The following IQANK1 variants were observed in gnomAD, a reference collection of about 807,000 sequenced individuals.
The protein encoded by IQANK1 is IQ motif and ankyrin repeat containing 1.
IQANK1 carries 30 observed loss-of-function variants against 22.6 expected under a neutral mutation model. The ratio of observed to expected loss-of-function variants is 1.33; its 90% CI spans 0.99 to 1.80. IQANK1 has a LOEUF of 1.80. Among genes scored for constraint, IQANK1 ranks in the 40% most tolerant of loss-of-function variants. IQANK1 has a pLI of 0.00. For missense variants in IQANK1, 275 were observed against 235.2 expected, an observed-to-expected ratio of 1.17 and a Z score of -1.11; for synonymous variants, 122 against 99.6, an observed-to-expected ratio of 1.23 and a Z score of -1.34.
rs1013287169 is a variant in IQANK1 at position 143,790,361 on chromosome 8, C to T, written c.1436C>T (p.Pro479Leu). 17 of 1,122,124 alleles carry T rather than the reference C, an allele frequency of 1.5e-5. No homozygotes were observed. Among genetic ancestry groups the T allele is most frequent in the African/African-American group, 9.7e-5 (6 of 61,856 alleles). The allele number at this position is 1,122,124 out of a possible 1,614,324, so 69.5% of individuals were successfully genotyped here. A position where few individuals can be genotyped will look rare whatever the true frequency, so the allele number is the denominator to read the frequency against. ...GCCTCATGGGGCAGGTATGGGAAGC[C>T]GCTGGTGTTCGACCTGCGAGAGGAA... ...ALLGALRYGK[P>L]LVFDLREEDL... Residue 479 changes from proline (P) to leucine (L), a missense_variant, in exon 14 of 14, where the codon CCG (proline) becomes CTG (leucine). Transcript: ENST00000527139.
intron 3 of IQANK1, among the ~76,000 whole-genome samples, chr8:143,761,194 C>T (rs534874276): frequency 6.6e-6 from 1 of 152,244 alleles, no homozygotes; most frequent in Non-Finnish European, 1.5e-5. Context: ...GAGCATCTCC[C>T]GCGGGCGCCC....
At chr8:143,736,844 TTA>T (rs1183038669) in intron 2 of IQANK1, among the ~76,000 whole-genome samples, 23 of 151,314 alleles carry the variant, frequency 1.5e-4, no homozygotes, top group Admixed American at 6.6e-5. Flanking sequence ...CAGCTCCCAT[TTA>T]TTCTCTATGC....
chr8:143,749,172 A>G (rs7464370), intron 3 of IQANK1, among the ~76,000 whole-genome samples: 73,276 of 121,966 alleles, frequency 0.6, 25,764 homozygotes, highest in Non-Finnish European at 0.77. Context: ...ATATCAATAT[A>G]TATAATATAT....
rs1819583583 is a variant in IQANK1, at chr8:143,771,964, AG to A, written c.471+1del. On this transcript the variant is annotated frameshift_variant and splice_region_variant, in exon 5 of 14. Coordinates refer to ENST00000527139, the MANE Select transcript of IQANK1 (RefSeq NM_001381874.1). LOFTEE classifies it high-confidence loss of function. The surrounding 1 kb of genome is among the most constrained non-coding windows in gnomAD (Gnocchi z 6.0). ...GGCGAGATCCGGGCGGTGCTGAAGG[AG>A]GTCAGCGGGGGCGGGAGGAGGACGA... ...DVGEIRAVLKEVEQLLTREGV... is the reference protein window; with the variant it reads ...DVGEIRAVLKXVEQLLTREGV... 1 of 85,236 alleles carries A rather than the reference AG, an allele frequency of 1.2e-5. No individual in the cohort carries two copies. The highest frequency in any genetic ancestry group is 4.9e-5 in the African/African-American group (1 of 20,528). The allele number at this position is 85,236 out of a possible 1,614,324, so 5.3% of individuals were successfully genotyped here. A position where few individuals can be genotyped will look rare whatever the true frequency, so the allele number is the denominator to read the frequency against.
chr8:143,761,655 C>T (rs1190103306), intron 3 of IQANK1, among the ~76,000 whole-genome samples: 1 of 151,986 alleles, frequency 6.6e-6, no homozygotes, highest in Admixed American at 6.6e-5. Flanking sequence ...CCAGCTACTC[C>T]GGAGGCTGAG....
chr8:143,772,272 G>C (rs961061352), intron 6 of IQANK1, 29 bp downstream of exon 6: 38 of 397,736 alleles, frequency 9.6e-5, no homozygotes, highest in Admixed American at 3.1e-4. Context: ...GGGCCGCCGC[G>C]CTGAGGGGCG....
chr8:143,743,898 G>A (rs1818974859), intron 3 of IQANK1: 5 of 422,448 alleles, frequency 1.2e-5, no homozygotes, highest in South Asian at 8.4e-5. Flanking sequence ...AGTGCACTGG[G>A]GCTTGGCTCA....
intron 7 of IQANK1, among the ~76,000 whole-genome samples, chr8:143,778,948 A>C (rs1321138644): frequency 6.6e-6 from 1 of 152,096 alleles, no homozygotes; most frequent in Non-Finnish European, 1.5e-5. Context: ...TTGTATGTTA[A>C]GTAGAGATGG....
chr8:143,754,018 C>G (rs1819243053), intron 3 of IQANK1, among the ~76,000 whole-genome samples: 1 of 149,936 alleles, frequency 6.7e-6, no homozygotes, highest in African/African-American at 2.4e-5. Context: ...CTCTTCTGAG[C>G]CTTTCTTTGG....
chr8:143,743,351 C>T (rs143460110), intron 3 of IQANK1, among the ~76,000 whole-genome samples: 1 of 152,324 alleles, frequency 6.6e-6, no homozygotes, highest in East Asian at 1.9e-4. Context: ...GATCCTCCTG[C>T]CTCAGCCTGA....
chr8:143,776,287 G>A (rs59891934), intron 7 of IQANK1, among the ~76,000 whole-genome samples: 2 of 124,276 alleles, frequency 1.6e-5, no homozygotes, highest in Admixed American at 1.8e-4. Context: ...CGCCACTGCA[G>A]TCCGCAGTCC....
At chr8:143,741,047 G>T (rs1461751318) in intron 3 of IQANK1, among the ~76,000 whole-genome samples, 1 of 152,176 alleles carries the variant, frequency 6.6e-6, no homozygotes, top group Non-Finnish European at 1.5e-5. Context: ...CAGCACCGAG[G>T]CTCTGCCCGG....
chr8:143,787,032 C>G (rs536726470), intron 7 of IQANK1, among the ~76,000 whole-genome samples: 1 of 152,132 alleles, frequency 6.6e-6, no homozygotes, highest in African/African-American at 2.4e-5. Context: ...GGGCTTGACG[C>G]CTAGGGGAAA....
chr8:143,738,170 G>A (rs912064042), intron 2 of IQANK1, among the ~76,000 whole-genome samples: 6 of 152,148 alleles, frequency 3.9e-5, no homozygotes, highest in African/African-American at 1.4e-4. Flanking sequence ...CTGCCCAGCT[G>A]CCGGCTGGGC....
intron 3 of IQANK1, among the ~76,000 whole-genome samples, chr8:143,749,718 A>C (rs1485712206): frequency 6.8e-6 from 1 of 148,132 alleles, no homozygotes; most frequent in Non-Finnish European, 1.5e-5. Flanking sequence ...GCCTGCCACC[A>C]TGCCTGGCTA....
chr8:143,773,640 C>T (rs1351209917), intron 7 of IQANK1, among the ~76,000 whole-genome samples: 2 of 152,166 alleles, frequency 1.3e-5, no homozygotes, highest in African/African-American at 4.8e-5. Context: ...GATGCATCCA[C>T]TGGACTGCTG....
chr8:143,788,509 C>G (rs1187493199), intron 7 of IQANK1, among the ~76,000 whole-genome samples: 8 of 152,230 alleles, frequency 5.3e-5, no homozygotes, highest in Admixed American at 1.3e-4. Context: ...GAGGAGGGAG[C>G]TCCAGTGTGC....
intron 7 of IQANK1, among the ~76,000 whole-genome samples, chr8:143,777,529 A>G (rs1162817614): frequency 1.3e-5 from 2 of 150,900 alleles, no homozygotes; most frequent in Admixed American, 6.6e-5. Flanking sequence ...TTAAAAAAAA[A>G]AAAAAAAAAA....
intron 7 of IQANK1, among the ~76,000 whole-genome samples, chr8:143,777,894 C>T (rs1483977380): frequency 6.6e-6 from 1 of 152,064 alleles, no homozygotes; most frequent in Non-Finnish European, 1.5e-5. Context: ...CTAAACACCC[C>T]AATTAAAAGA....
Sources: allele counts gnomAD v4.1 joint callset (sites outside exome capture counted in the v4.1 genomes callset), GRCh38; gene constraint gnomAD v4.1.1; non-coding constraint Gnocchi (gnomAD v3.1); transcripts MANE v1.5; gene names NCBI Gene and HGNC (gene_info 2026-07-23, HGNC 2026-07-21).